The following INO80D variants were observed in gnomAD, a reference collection of about 807,000 sequenced individuals.
INO80D encodes INO80 complex subunit D.
INO80D carries 21 observed loss-of-function variants against 87.6 expected under a neutral mutation model. The ratio of observed to expected loss-of-function variants is 0.24; its 90% CI spans 0.17 to 0.35. The LOEUF (loss-of-function observed/expected upper bound fraction) is 0.35, where lower values mean the gene tolerates loss of function less well. INO80D is among the 10% of genes least tolerant of loss of function. INO80D has a pLI of 1.00. For missense variants in INO80D, 982 were observed against 1,280.7 expected, an observed-to-expected ratio of 0.77 and a Z score of 3.56; for synonymous variants, 440 against 491.0, an observed-to-expected ratio of 0.90 and a Z score of 1.37.
intron 1 of INO80D, among the ~76,000 whole-genome samples, chr2:206,069,636 T>C (rs1438404204): frequency 6.6e-6 from 1 of 152,200 alleles, no homozygotes; most frequent in South Asian, 2.1e-4. Flanking sequence ...TCAACTGTAG[T>C]CTGTTTTCTT....
At chr2:206,006,780 C>T (rs748677034) in intron 10 of INO80D, among the ~76,000 whole-genome samples, 5 of 151,948 alleles carry the variant, frequency 3.3e-5, no homozygotes, top group Admixed American at 1.3e-4. Flanking sequence ...GGTGTGGTGG[C>T]TCATGCCTGT....
chr2:206,070,708 C>T (rs962705458), intron 1 of INO80D, among the ~76,000 whole-genome samples: 2 of 151,780 alleles, frequency 1.3e-5, no homozygotes, highest in African/African-American at 4.8e-5. Flanking sequence ...GAGCAAGACT[C>T]CGTCTCAAAA....
intron 6 of INO80D, among the ~76,000 whole-genome samples, chr2:206,021,186 G>C (rs911616039): frequency 3.3e-5 from 5 of 152,082 alleles, no homozygotes; most frequent in African/African-American, 1.2e-4. Flanking sequence ...AAAATCTTTT[G>C]AGTTGTTTGT....
chr2:206,083,137 CTGTCA>C (rs1690329706), intron 1 of INO80D, among the ~76,000 whole-genome samples: 1 of 152,130 alleles, frequency 6.6e-6, no homozygotes, highest in Non-Finnish European at 1.5e-5. Context: ...AACATCAAAC[CTGTCA>C]TTCCTTCAGG....
chr2:206,079,552 A>G, intron 1 of INO80D, among the ~76,000 whole-genome samples: 1 of 152,118 alleles, frequency 6.6e-6, no homozygotes. Flanking sequence ...TTACCTCCTT[A>G]ACATGCCTCT....
rs780250038 is a variant in INO80D, at chr2:206,056,412, G to A, written c.750C>T (p.His250=). The change falls in exon 4 of 11, where the codon CAC becomes CAT. Residue 250 remains histidine (H), a synonymous_variant. Transcript: ENST00000403263. ...ACAACTGCCGTGCTTGTGCTATAGTGTGTGTGGTGGGTGCCACTCCCTGCA... is the reference window on the plus strand; with the variant it reads ...ACAACTGCCGTGCTTGTGCTATAGTATGTGTGGTGGGTGCCACTCCCTGCA... ...LPMQGVAPTT[H]TIAQARQLSH... 3.1e-6 allele frequency: 5 copies of A among 1,613,844 alleles called. No individual in the cohort carries two copies. Among genetic ancestry groups the A allele is most frequent in the Non-Finnish European group, 4.2e-6 (5 of 1,179,896 alleles).
rs190290368 is a variant in INO80D, at chr2:206,006,470, G to A, written c.1918+814C>T. Among the ~76,000 whole-genome samples, 243 of 151,982 alleles carry A rather than the reference G, an allele frequency of 1.6e-3. 1 individual carries two copies. Among genetic ancestry groups the A allele is most frequent in the African/African-American group, 4.8e-3 (201 of 41,486 alleles). On this transcript the variant is annotated intron_variant, in intron 10 of 10. Transcript: ENST00000403263. ...GGCCAAGGCAGGTGGATCACCTGAG[G>A]TTGAGAGTTCGAGACCAGCCTGACC...
chr2:206,028,890 T>C (rs763655258), intron 5 of INO80D, among the ~76,000 whole-genome samples: 5 of 151,752 alleles, frequency 3.3e-5, no homozygotes, highest in Non-Finnish European at 7.4e-5. Context: ...TTTTGTTTTT[T>C]TGTTTTTTTT....
At chr2:206,007,916 A>C (rs996506504) in intron 9 of INO80D, 2 of 152,820 alleles carry the variant, frequency 1.3e-5, no homozygotes, top group African/African-American at 4.8e-5. Context: ...CTTGAACCCA[A>C]GCACAGGGAT....
rs777423485 is a variant in INO80D at position 206,062,704 on chromosome 2, T to C, written c.218+95A>G. Reference sequence around the variant, plus strand: ...GTGGAGGAAGGGAGGGAGGGAGAAATGAAGGACAGAAGAAAAGAGAAGAAA... The same window carrying C: ...GTGGAGGAAGGGAGGGAGGGAGAAACGAAGGACAGAAGAAAAGAGAAGAAA... On this transcript the variant is annotated intron_variant, in intron 3 of 10. Coordinates refer to ENST00000403263, the MANE Select transcript of INO80D (RefSeq NM_017759.5). This position sits in a 1 kb window ranked among gnomAD's most constrained non-coding sequence, Gnocchi z 4.6. 74 of 1,023,590 alleles carry C rather than the reference T, an allele frequency of 7.2e-5. No homozygotes were observed. Among genetic ancestry groups the C allele is most frequent in the Non-Finnish European group, 1.0e-4 (73 of 695,520 alleles). 63.4% of individuals were successfully genotyped at this position (1,023,590 alleles called of 1,614,324 possible).
At position 206,003,859 on chromosome 2, in the gene INO80D, C is replaced by G. The variant is rs991633264; in HGVS notation, c.*509G>C. 3.7e-5 allele frequency: 6 copies of G among 162,684 alleles called. No individual in the cohort carries two copies. The highest frequency in any genetic ancestry group is 8.2e-5 in the Non-Finnish European group (6 of 73,052). The allele number at this position is 162,684 out of a possible 1,614,324, so 10.1% of individuals were successfully genotyped here. ...TTTTAGTTAAACATGATCACAATTA[C>G]GAATGGAATCCTGGCCTCACTGTGG... On this transcript the variant is annotated 3_prime_UTR_variant, in exon 11 of 11. Coordinates refer to ENST00000403263, the MANE Select transcript of INO80D (RefSeq NM_017759.5).
chr2:206,067,884 A>G (rs931835077), intron 1 of INO80D, among the ~76,000 whole-genome samples: 1 of 152,160 alleles, frequency 6.6e-6, no homozygotes, highest in Non-Finnish European at 1.5e-5. Context: ...GTGAAGTTGC[A>G]GTGTGCCGAG....
At position 206,007,835 on chromosome 2, in the gene INO80D, A is replaced by C. The variant is rs541624687; in HGVS notation, c.1761-394T>G. On this transcript the variant is annotated intron_variant, in intron 9 of 10. Coordinates refer to ENST00000403263, the MANE Select transcript of INO80D (RefSeq NM_017759.5). ...AGACTCTGTCTCAAAAAAAAAAACA[A>C]CCAAAATCAAAAAACAAGCTAATAA... 1,499 of 154,288 alleles carry C rather than the reference A, an allele frequency of 9.7e-3. 13 individuals are homozygous for C. Among genetic ancestry groups the C allele is most frequent in the Middle Eastern group, 0.042 (13 of 308 alleles). The allele number at this position is 154,288 out of a possible 1,614,324, so 9.6% of individuals were successfully genotyped here. A position where few individuals can be genotyped will look rare whatever the true frequency, so the allele number is the denominator to read the frequency against.
intron 8 of INO80D, among the ~76,000 whole-genome samples, chr2:206,011,432 C>T (rs1185206633): frequency 6.6e-6 from 1 of 152,224 alleles, no homozygotes; most frequent in Non-Finnish European, 1.5e-5. Flanking sequence ...GTGACTGATA[C>T]CTGCCTTGCT....
chr2:206,048,009 C>T (rs1048356089), intron 4 of INO80D, among the ~76,000 whole-genome samples: 4 of 152,032 alleles, frequency 2.6e-5, no homozygotes, highest in East Asian at 3.9e-4. Context: ...CGCCACCGCG[C>T]CTGGCTAATT....
chr2:206,072,211 G>A (rs964612162), intron 1 of INO80D, among the ~76,000 whole-genome samples: 1 of 151,964 alleles, frequency 6.6e-6, no homozygotes, highest in African/African-American at 2.4e-5. Context: ...ATCCTCTCTT[G>A]CCCTGGTTCA....
chr2:206,078,669 A>T (rs2105910651), intron 1 of INO80D, among the ~76,000 whole-genome samples: 1 of 152,136 alleles, frequency 6.6e-6, no homozygotes, highest in East Asian at 1.9e-4. Flanking sequence ...AAAGACAGCC[A>T]GGCGCGGTGG....
chr2:206,057,480 G>A (rs1471812538), intron 3 of INO80D, among the ~76,000 whole-genome samples: 1 of 152,096 alleles, frequency 6.6e-6, no homozygotes. Flanking sequence ...TGGTTCGTGG[G>A]GTTATAGGTG....
chr2:206,071,400 A>AGGTGCATGTGG (rs1689968806), intron 1 of INO80D, among the ~76,000 whole-genome samples: 1 of 141,616 alleles, frequency 7.1e-6, no homozygotes, highest in Non-Finnish European at 1.5e-5. Context: ...CTGGGACTAC[A>AGGTGCATGTGG]GGTGCATGTC....
Sources: allele counts gnomAD v4.1 joint callset (sites outside exome capture counted in the v4.1 genomes callset), GRCh38; gene constraint gnomAD v4.1.1; non-coding constraint Gnocchi (gnomAD v3.1); transcripts MANE v1.5; gene names NCBI Gene and HGNC (gene_info 2026-07-23, HGNC 2026-07-21).